The following TBCEL variants were observed in gnomAD, a reference collection of about 807,000 sequenced individuals.
TBCEL encodes tubulin folding cofactor E like.
A neutral mutation model predicts 44.2 loss-of-function variants in TBCEL; 15 were observed. The observed-to-expected ratio is 0.34, with a 90% CI of 0.23 to 0.52. The LOEUF is 0.52. TBCEL is among the 20% of genes least tolerant of loss of function. TBCEL has a pLI of 0.95. For synonymous variants in TBCEL, 171 were observed against 185.4 expected (o/e 0.92, Z 0.63); for missense variants, 319 against 506.3 (o/e 0.63, Z 3.55).
intron 8 of TBCEL, among the ~76,000 whole-genome samples, chr11:121,082,336 CTTCT>C (rs1565508175): frequency 2.0e-5 from 3 of 152,278 alleles, no homozygotes; most frequent in African/African-American, 4.8e-5. Context: ...GCAGAATTCT[CTTCT>C]TTCTTATACT....
intron 1 of TBCEL, among the ~76,000 whole-genome samples, chr11:121,033,873 G>C (rs1470923928): frequency 6.6e-6 from 1 of 151,366 alleles, no homozygotes; most frequent in Non-Finnish European, 1.5e-5. Flanking sequence ...TACCACTCTA[G>C]TTACCCCATG....
rs146974448 is a variant in TBCEL, at chr11:121,061,605, T to C, written c.956+1520T>C. On this transcript the variant is annotated intron_variant, in intron 8 of 8. Coordinates refer to ENST00000683345, the MANE Select transcript of TBCEL (RefSeq NM_001363644.2). ...TCCTAGGCTATAAACCTGTACAGCATGTGACTATAATGAATGTTGTAACAC... is the reference window on the plus strand; with the variant it reads ...TCCTAGGCTATAAACCTGTACAGCACGTGACTATAATGAATGTTGTAACAC... Among the ~76,000 whole-genome samples, 611 of 152,194 alleles carry C rather than the reference T, an allele frequency of 4.0e-3. 1 individual carries two copies. Among genetic ancestry groups the C allele is most frequent in the African/African-American group, 0.014 (562 of 41,542 alleles).
At chr11:121,060,151 A>G (rs1945694194) in intron 8 of TBCEL, 66 bp downstream of exon 8, 1 of 1,117,468 alleles carries the variant, frequency 8.9e-7, no homozygotes, top group African/African-American at 1.5e-5. Flanking sequence ...CTCTAGTGTT[A>G]GAGCAAAATC....
intron 2 of TBCEL, among the ~76,000 whole-genome samples, chr11:121,038,441 G>C (rs558251008): frequency 6.6e-6 from 1 of 152,186 alleles, no homozygotes; most frequent in African/African-American, 2.4e-5. Context: ...GACTGCTTTA[G>C]AAAACAAAAC....
intron 2 of TBCEL, among the ~76,000 whole-genome samples, chr11:121,045,037 C>T (rs1050444581): frequency 1.2e-4 from 18 of 152,042 alleles, no homozygotes; most frequent in Non-Finnish European, 2.2e-4. Context: ...AGTGTATATT[C>T]CTTGGGTTCA....
chr11:121,084,788 A>G (rs907922075), intron 8 of TBCEL, among the ~76,000 whole-genome samples: 16 of 152,094 alleles, frequency 1.1e-4, no homozygotes, highest in African/African-American at 3.4e-4. Context: ...TTAAATTTTC[A>G]TAACCTAGTT....
chr11:121,074,048 C>G (rs942744577), intron 8 of TBCEL, among the ~76,000 whole-genome samples: 6 of 151,916 alleles, frequency 3.9e-5, no homozygotes, highest in African/African-American at 1.4e-4. Flanking sequence ...GTTGTACTAG[C>G]TTCAAAATTG....
intron 7 of TBCEL, 125 bp from the exon 8 acceptor site, chr11:121,059,844 A>G (rs949152883): frequency 2.9e-6 from 2 of 681,914 alleles, no homozygotes; most frequent in East Asian, 2.8e-5. Context: ...GTTGTATACA[A>G]ATGGAACTAC....
At chr11:121,029,875 T>C (rs964571321) in intron 1 of TBCEL, among the ~76,000 whole-genome samples, 4 of 152,234 alleles carry the variant, frequency 2.6e-5, no homozygotes, top group African/African-American at 4.8e-5. Context: ...ATTTATCCAA[T>C]GAATATTTTT....
chr11:121,043,126 G>T (rs1242263023), intron 2 of TBCEL, among the ~76,000 whole-genome samples: 1 of 152,112 alleles, frequency 6.6e-6, no homozygotes, highest in Non-Finnish European at 1.5e-5. Flanking sequence ...ACAGTGACTT[G>T]CCTGATGGCA....
At chr11:121,061,747 C>T (rs901210139) in intron 8 of TBCEL, among the ~76,000 whole-genome samples, 2 of 151,938 alleles carry the variant, frequency 1.3e-5, no homozygotes, top group African/African-American at 2.4e-5. Flanking sequence ...GAAAATCTTG[C>T]GGGACTGGAG....
At chr11:121,038,087 G>A (rs970153121) in intron 2 of TBCEL, among the ~76,000 whole-genome samples, 6 of 151,768 alleles carry the variant, frequency 4.0e-5, no homozygotes, top group Non-Finnish European at 7.4e-5. Flanking sequence ...AGCCTCCCAA[G>A]TAGCTGGGAC....
chr11:121,077,212 T>C lies in TBCEL; in HGVS notation c.957-9566T>C, dbSNP rs138521430. On this transcript the variant is annotated intron_variant, in intron 8 of 8. Transcript: ENST00000683345. ...GAAGAGTTTGTGTAGAACAGTGTTA[T>C]TTTCTTCTAAGATATTTTGTAGAAT... 3.7e-4 allele frequency among the ~76,000 whole-genome samples: 55 copies of C among 150,068 alleles called. 1 individual carries two copies. The East Asian group carries it at 9.9e-3, about 27-fold the overall frequency.
chr11:121,041,042 G>A (rs1945323434), intron 2 of TBCEL, among the ~76,000 whole-genome samples: 1 of 152,160 alleles, frequency 6.6e-6, no homozygotes, highest in African/African-American at 2.4e-5. Flanking sequence ...AGCTAGTGAG[G>A]CTGGCAGTGT....
intron 6 of TBCEL, among the ~76,000 whole-genome samples, chr11:121,056,233 T>C (rs1945618565): frequency 6.6e-6 from 1 of 151,920 alleles, no homozygotes; most frequent in Admixed American, 6.6e-5. Flanking sequence ...TCATACAGTA[T>C]GTAGCCTTCT....
At chr11:121,061,994 A>G (rs554322067) in intron 8 of TBCEL, among the ~76,000 whole-genome samples, 1 of 152,270 alleles carries the variant, frequency 6.6e-6, no homozygotes, top group Admixed American at 6.5e-5. Context: ...TTTAAAATGC[A>G]AACATTGTAC....
intron 1 of TBCEL, among the ~76,000 whole-genome samples, chr11:121,034,457 T>C (rs1385573812): frequency 6.6e-6 from 1 of 152,226 alleles, no homozygotes; most frequent in Non-Finnish European, 1.5e-5. Flanking sequence ...TTATGTATTC[T>C]AGCCGTAGCT....
chr11:121,024,812 C>T (rs1474113026), intron 1 of TBCEL, among the ~76,000 whole-genome samples: 1 of 152,166 alleles, frequency 6.6e-6, no homozygotes, highest in Non-Finnish European at 1.5e-5. Flanking sequence ...ATTAGGCCTG[C>T]TCTTACCAGG....
At chr11:121,079,156 A>G (rs1242713790) in intron 8 of TBCEL, among the ~76,000 whole-genome samples, 2 of 152,248 alleles carry the variant, frequency 1.3e-5, no homozygotes, top group African/African-American at 4.8e-5. Flanking sequence ...GGTGACATTA[A>G]ATAATTCTGG....
Sources: allele counts gnomAD v4.1 joint callset (sites outside exome capture counted in the v4.1 genomes callset), GRCh38; gene constraint gnomAD v4.1.1; transcripts MANE v1.5; gene names NCBI Gene and HGNC (gene_info 2026-07-23, HGNC 2026-07-21).